The following NOX4 variants were observed in gnomAD, a reference collection of about 807,000 sequenced individuals.
NOX4 encodes kidney oxidase-1.
In NOX4, 69 loss-of-function variants were observed where a neutral mutation model predicts 87.6. The ratio of observed to expected loss-of-function variants is 0.79; its 90% confidence interval spans 0.65 to 0.96. NOX4 has a LOEUF of 0.96. NOX4 is among the 40% of genes least tolerant of loss of function. The pLI is 0.00. For missense variants in NOX4, 680 were observed against 681.5 expected (o/e 1.00, Z 0.02); for synonymous variants, 275 against 238.2 (o/e 1.15, Z -1.42).
chr11:89,465,388 T>C (rs144598147), intron 2 of NOX4, among the ~76,000 whole-genome samples: 3,574 of 152,310 alleles, frequency 0.023, 68 homozygotes, highest in Non-Finnish European at 0.038. Context: ...CTATCATTGA[T>C]GGGCATTTGG....
At chr11:89,350,441 G>A (rs185958477) in intron 13 of NOX4, among the ~76,000 whole-genome samples, 8 of 152,188 alleles carry the variant, frequency 5.3e-5, no homozygotes, top group Non-Finnish European at 1.0e-4. Context: ...ACACTATGTT[G>A]ACTAAATAGA....
chr11:89,548,781 T>C, the NOX4 span: 1 of 152,188 alleles, frequency 6.6e-6, no homozygotes, highest in Non-Finnish European at 1.5e-5. Flanking sequence ...AAAAGATAGG[T>C]GAAATGGTAT....
chr11:89,527,219 T>C, the NOX4 span, among the ~76,000 whole-genome samples: 1 of 152,192 alleles, frequency 6.6e-6, no homozygotes. Context: ...ATGATTTGGG[T>C]GCTCTTACAA....
chr11:89,421,579 T>C (rs537329804), intron 8 of NOX4, among the ~76,000 whole-genome samples: 2 of 152,188 alleles, frequency 1.3e-5, no homozygotes, highest in Non-Finnish European at 2.9e-5. Context: ...TACTAAAATA[T>C]ATTCCTGATG....
chr11:89,389,728 C>T (rs1940991748), intron 11 of NOX4, among the ~76,000 whole-genome samples: 1 of 152,082 alleles, frequency 6.6e-6, no homozygotes, highest in South Asian at 2.1e-4. Flanking sequence ...AATATGAAAG[C>T]CCTCAGCATG....
chr11:89,435,431 C>T (rs1944034322), intron 6 of NOX4, among the ~76,000 whole-genome samples: 2 of 151,942 alleles, frequency 1.3e-5, no homozygotes, highest in Admixed American at 1.3e-4. Flanking sequence ...TAGAATAGAG[C>T]CACAATTTCC....
chr11:89,556,383 C>T, the NOX4 span, among the ~76,000 whole-genome samples: 1 of 151,994 alleles, frequency 6.6e-6, no homozygotes, highest in South Asian at 2.1e-4. Context: ...ATTAGCTGGG[C>T]ATGGTGGCAT....
chr11:89,548,196 T>C, the NOX4 span: 1 of 152,156 alleles, frequency 6.6e-6, no homozygotes, highest in Non-Finnish European at 1.5e-5. Context: ...CCCAGTGCGA[T>C]GGCATTTAGG....
chr11:89,584,891 C>T, the NOX4 span, among the ~76,000 whole-genome samples: 2 of 152,016 alleles, frequency 1.3e-5, no homozygotes, highest in African/African-American at 4.8e-5. Flanking sequence ...ATAGATTGCT[C>T]ATATACAATG....
the NOX4 span, among the ~76,000 whole-genome samples, chr11:89,517,976 C>A: frequency 6.6e-5 from 10 of 151,948 alleles, no homozygotes; most frequent in Non-Finnish European, 1.5e-4. Context: ...CTATATCTAG[C>A]CTTAATAAAG....
chr11:89,330,870 G>C (rs577503461), intron 17 of NOX4, among the ~76,000 whole-genome samples: 1 of 152,016 alleles, frequency 6.6e-6, no homozygotes, highest in African/African-American at 2.4e-5. Context: ...TGATGGAACT[G>C]TAAAGACAGA....
intron 12 of NOX4, among the ~76,000 whole-genome samples, chr11:89,371,025 C>T (rs951309695): frequency 6.6e-6 from 1 of 151,998 alleles, no homozygotes; most frequent in African/African-American, 2.4e-5. Flanking sequence ...TGATATTCAA[C>T]CTCTTAGGTA....
the NOX4 span, among the ~76,000 whole-genome samples, chr11:89,560,992 C>A: frequency 0.028 from 1,910 of 67,702 alleles, 19 homozygotes; most frequent in East Asian, 0.048. Context: ...CTCTCTCTCT[C>A]TCTCTATATA....
the NOX4 span, among the ~76,000 whole-genome samples, chr11:89,558,119 AC>A: frequency 6.6e-6 from 1 of 152,028 alleles, no homozygotes; most frequent in Non-Finnish European, 1.5e-5. Flanking sequence ...GAGTATGAGC[AC>A]CAGAAACAAG....
At chr11:89,336,686 G>A (rs190556867) in intron 16 of NOX4, among the ~76,000 whole-genome samples, 5 of 151,850 alleles carry the variant, frequency 3.3e-5, no homozygotes, top group Non-Finnish European at 7.4e-5. Flanking sequence ...CTTAATTATC[G>A]CAATACCAGG....
chr11:89,460,980 A>T (rs529900224), intron 2 of NOX4, among the ~76,000 whole-genome samples: 2 of 152,246 alleles, frequency 1.3e-5, no homozygotes, highest in Non-Finnish European at 2.9e-5. Flanking sequence ...ATGCAGCCAT[A>T]AAAGATGATG....
chr11:89,405,654 C>T (rs1942129534), intron 8 of NOX4, among the ~76,000 whole-genome samples: 1 of 150,508 alleles, frequency 6.6e-6, no homozygotes, highest in African/African-American at 2.5e-5. Context: ...TATGACATCC[C>T]AGGTCATTTG....
At chr11:89,357,937 C>T (rs1938196524) in intron 12 of NOX4, among the ~76,000 whole-genome samples, 1 of 151,924 alleles carries the variant, frequency 6.6e-6, no homozygotes, top group African/African-American at 2.4e-5. Context: ...TACACACACA[C>T]ACACATACAG....
At chr11:89,444,506 T>C (rs1591272454) in intron 4 of NOX4, among the ~76,000 whole-genome samples, 3 of 129,964 alleles carry the variant, frequency 2.3e-5, no homozygotes, top group Admixed American at 1.6e-4. Flanking sequence ...CACACACACA[T>C]CCTCCCCCTA....
Sources: allele counts gnomAD v4.1 joint callset (sites outside exome capture counted in the v4.1 genomes callset), GRCh38; gene constraint gnomAD v4.1.1; transcripts MANE v1.5; gene names NCBI Gene and HGNC (gene_info 2026-07-23, HGNC 2026-07-21).